The following XG variants were observed in gnomAD, a reference collection of about 807,000 sequenced individuals.
The protein encoded by XG is glycoprotein Xg.
Under a neutral mutation model 25.7 loss-of-function variants are expected in XG, and 24 were observed. The ratio of observed to expected loss-of-function variants is 0.93; its 90% CI spans 0.68 to 1.31. XG has a LOEUF of 1.31. Ranked by LOEUF, XG falls within the 40% of genes most tolerant of loss-of-function variation. The probability of loss-of-function intolerance (pLI) is 0.00; values close to 1 mark genes in which losing one functional copy is unlikely to be tolerated. For missense variants in XG, 181 were observed against 187.6 expected, an observed-to-expected ratio of 0.96 and a Z score of 0.21; for synonymous variants, 77 against 69.2, an observed-to-expected ratio of 1.11 and a Z score of -0.56.
At chrX:2,798,802 G>A (rs1239271925) in intron 7 of XG, among the ~76,000 whole-genome samples, 9 of 111,177 alleles carry the variant, frequency 8.1e-5, no homozygotes, top group Middle Eastern at 4.8e-3. Flanking sequence ...CACCATGCCC[G>A]GCCTTGAGTA....
At chrX:2,762,757 A>AT (rs978305999) in intron 1 of XG, among the ~76,000 whole-genome samples, 1 of 151,890 alleles carries the variant, frequency 6.6e-6, no homozygotes, top group Non-Finnish European at 1.5e-5. Flanking sequence ...ATATGATTTA[A>AT]TTTTTTTTAC....
At chrX:2,752,948 T>G (rs1337279870) in intron 1 of XG, 1 of 985,308 alleles carries the variant, frequency 1.0e-6, no homozygotes, top group Non-Finnish European at 1.2e-6. Context: ...TACGAGGACC[T>G]CTTTAAGAAA....
chrX:2,782,104 C>G lies in XG; in HGVS notation c.166C>G (p.Pro56Ala), dbSNP rs761656749. The change falls in exon 4 of 11, where the codon CCC (proline) becomes GCC (alanine). Residue 56 changes from proline (P) to alanine (A), a missense_variant. Physicochemically the swap from Pro to Ala is conservative, Grantham distance 27. Transcript: ENST00000644266. ...GCCAAAACCACCTTACTACCCACAG[C>G]CCGAGAATCCCGACAGCGGTGGAAG... Reference protein sequence around the residue: ...PKPKPPYYPQPENPDSGGNIY... With the variant: ...PKPKPPYYPQAENPDSGGNIY... 140 of 1,210,211 alleles carry G rather than the reference C, an allele frequency of 1.2e-4. No homozygotes were observed. Among genetic ancestry groups the G allele is most frequent in the Non-Finnish European group, 1.4e-4 (122 of 895,240 alleles).
intron 2 of XG, among the ~76,000 whole-genome samples, chrX:2,772,588 G>A (rs2050843386): frequency 6.6e-6 from 1 of 152,126 alleles, no homozygotes; most frequent in South Asian, 2.1e-4. Flanking sequence ...CGTGGCTATG[G>A]GGTCTCCTTT....
chrX:2,772,932 C>G (rs919706042), intron 2 of XG, among the ~76,000 whole-genome samples: 1 of 152,148 alleles, frequency 6.6e-6, no homozygotes, highest in African/African-American at 2.4e-5. Flanking sequence ...ACCACAGTCA[C>G]CTGCATGGCG....
chrX:2,782,879 G>A (rs2086745040), intron 4 of XG, among the ~76,000 whole-genome samples: 1 of 111,835 alleles, frequency 8.9e-6, no homozygotes, highest in African/African-American at 3.3e-5. Flanking sequence ...CAGGCAAGAA[G>A]GGGGTCTTTT....
chrX:2,789,600 A>G (rs1193909088), intron 4 of XG, 44 bp from the exon 5 acceptor site: 1 of 918,386 alleles, frequency 1.1e-6, no homozygotes, highest in Non-Finnish European at 1.5e-6. Flanking sequence ...TCTACCTGAA[A>G]GATGTCATTA....
chrX:2,808,607 C>G, intron 9 of XG: 2 of 732,905 alleles, frequency 2.7e-6, no homozygotes, highest in Non-Finnish European at 3.2e-6. Flanking sequence ...AAGAAGCCAT[C>G]AGAGTGCACT....
intron 1 of XG, among the ~76,000 whole-genome samples, chrX:2,767,833 C>T (rs1363269902): frequency 1.3e-5 from 2 of 152,192 alleles, no homozygotes; most frequent in Non-Finnish European, 2.9e-5. Flanking sequence ...GTTTATGTAA[C>T]GAGGTCTGGA....
At chrX:2,773,536 A>AGGG (rs2050886292) in intron 2 of XG, among the ~76,000 whole-genome samples, 4 of 128,248 alleles carry the variant, frequency 3.1e-5, no homozygotes, top group Non-Finnish European at 5.1e-5. Context: ...GGAAGGAGAG[A>AGGG]AGGAAGGAAG....
intron 3 of XG, among the ~76,000 whole-genome samples, chrX:2,781,250 C>T (rs1490017280): frequency 1.3e-5 from 2 of 151,054 alleles, no homozygotes; most frequent in African/African-American, 4.9e-5. Flanking sequence ...CTTAACAGGA[C>T]CCATTTAGGA....
At chrX:2,800,490 T>A (rs2086924898) in intron 7 of XG, among the ~76,000 whole-genome samples, 1 of 112,308 alleles carries the variant, frequency 8.9e-6, no homozygotes, top group South Asian at 3.7e-4. Context: ...ATGTCCGTCA[T>A]CTTCGTTACC....
At chrX:2,770,447 G>A (rs1252529846) in intron 1 of XG, 103 bp from the exon 2 acceptor site, 37 of 1,381,318 alleles carry the variant, frequency 2.7e-5, no homozygotes, top group Middle Eastern at 1.8e-4. Context: ...TGCTCTGGGC[G>A]ACCCTAGGCT....
At chrX:2,757,857 A>G (rs1355557727) in intron 1 of XG, among the ~76,000 whole-genome samples, 1 of 150,848 alleles carries the variant, frequency 6.6e-6, no homozygotes, top group Non-Finnish European at 1.5e-5. Context: ...CTGTAATCCC[A>G]GCTATTCAGG....
At position 2,795,710 on chromosome X, in the gene XG, G is replaced by C. The variant is rs377047224; in HGVS notation, c.322+1107G>C. Among the ~76,000 whole-genome samples the C allele has an allele frequency of 6.4e-5, 7 of 109,993 alleles. No homozygotes were observed. The East Asian group carries it at 2.0e-3, about 31-fold the overall frequency. On this transcript the variant is annotated intron_variant, in intron 6 of 10. Transcript: ENST00000644266. Reference sequence around the variant, plus strand: ...GTCTCGCTCTGTCGCCCAGGCTGGAGAGCAGTGGCACAATTTTGGCTCACT... The same window carrying C: ...GTCTCGCTCTGTCGCCCAGGCTGGACAGCAGTGGCACAATTTTGGCTCACT...
chrX:2,815,489 T>C lies in XG; in HGVS notation c.*1109T>C, dbSNP rs1477260510. On this transcript the variant is annotated 3_prime_UTR_variant, in exon 11 of 11. Coordinates refer to ENST00000644266, the MANE Select transcript of XG (RefSeq NM_001141919.2). Reference sequence around the variant, plus strand: ...CATGTTTTATGCTCACCATTATGAATTGGGGTCTTCAAAGAGAGAAGGTTG... The same window carrying C: ...CATGTTTTATGCTCACCATTATGAACTGGGGTCTTCAAAGAGAGAAGGTTG... The C allele has an allele frequency of 1.8e-5, 2 of 111,653 alleles. No individual in the cohort carries two copies. Among genetic ancestry groups the C allele is most frequent in the African/African-American group, 6.5e-5 (2 of 30,722 alleles). 9.2% of individuals were successfully genotyped at this position (111,653 alleles called of 1,213,427 possible).
In XG at chrX:2,797,356, G is replaced by A. The variant is rs756902043; in HGVS notation, c.369G>A (p.Thr123=). ...CCAGTTATGGCAACTCCGACAACACGCACGGTACCCCTACATCTGGGCATG... is the reference window on the plus strand; with the variant it reads ...CCAGTTATGGCAACTCCGACAACACACACGGTACCCCTACATCTGGGCATG... ...GYSSYGNSDN[T]HGRGGYRLNS... The change falls in exon 7 of 11, where the codon ACG becomes ACA. Residue 123 remains threonine (T), a synonymous_variant. Transcript: ENST00000644266. The A allele has an allele frequency of 7.5e-6, 9 of 1,206,902 alleles. 1 individual carries two copies. In the South Asian group the frequency reaches 8.8e-5, roughly 12 times the overall value.
intron 3 of XG, among the ~76,000 whole-genome samples, chrX:2,779,788 A>G (rs760483724): frequency 3.9e-4 from 59 of 152,198 alleles, no homozygotes; most frequent in African/African-American, 1.4e-3. Flanking sequence ...CTGGGATTAC[A>G]GGTATGCGCC....
intron 4 of XG, among the ~76,000 whole-genome samples, chrX:2,785,033 AC>A (rs930010675): frequency 8.9e-6 from 1 of 112,079 alleles, no homozygotes; most frequent in African/African-American, 3.2e-5. Context: ...TTTTAGGGAG[AC>A]AGGAGATATC....
Sources: allele counts gnomAD v4.1 joint callset (sites outside exome capture counted in the v4.1 genomes callset), GRCh38; gene constraint gnomAD v4.1.1; transcripts MANE v1.5; gene names NCBI Gene and HGNC (gene_info 2026-07-23, HGNC 2026-07-21).